ILDR2: variants seen among roughly 807,000 people sequenced by gnomAD.
ILDR2 encodes the protein immunoglobulin-like domain-containing receptor 2.
Under a neutral mutation model 66.8 loss-of-function variants are expected in ILDR2, and 25 were observed. The ratio of observed to expected loss-of-function variants is 0.37; its 90% CI spans 0.27 to 0.52. The LOEUF (loss-of-function observed/expected upper bound fraction) is 0.52. Among genes scored for constraint, ILDR2 ranks in the 20% least tolerant of loss-of-function variants. The pLI is 0.88. For synonymous variants in ILDR2, 367 were observed against 357.2 expected (o/e 1.03, Z -0.31); for missense variants, 827 against 876.8 (o/e 0.94, Z 0.72).
downstream of ILDR2, among the ~76,000 whole-genome samples, chr1:166,907,593 T>C (rs1040445464): frequency 1.3e-5 from 2 of 152,236 alleles, no homozygotes; most frequent in Non-Finnish European, 2.9e-5. Flanking sequence ...TTGTCTGAAT[T>C]CCTGTATCAA....
chr1:166,898,854 C>T (rs1017359849), intron 2 of ILDR2, among the ~76,000 whole-genome samples: 3 of 151,134 alleles, frequency 2.0e-5, no homozygotes, highest in Non-Finnish European at 4.4e-5. Flanking sequence ...AAGCCAGGAG[C>T]TCAAAGACCA....
At chr1:166,974,758 A>T (rs1483242238) in intron 1 of ILDR2, among the ~76,000 whole-genome samples, 7 of 152,218 alleles carry the variant, frequency 4.6e-5, no homozygotes, top group Non-Finnish European at 8.8e-5. Context: ...TTCTCTAGGG[A>T]AGAAATTAAG....
In ILDR2 at chr1:166,975,301, A is replaced by C. The variant is rs1192661429; in HGVS notation, c.-33T>G. 17 of 1,606,370 alleles carry C rather than the reference A, an allele frequency of 1.1e-5. No homozygotes were observed. Among genetic ancestry groups the C allele is most frequent in the Non-Finnish European group, 1.4e-5 (17 of 1,173,838 alleles). On this transcript the variant is annotated 5_prime_UTR_variant, in exon 1 of 10. Transcript: ENST00000271417. Reference sequence around the variant, plus strand: ...AACTTCCCAGCCGAATTACGGAGTGAGGAAAGTGGGAAATGGCTGGAACAG... The same window carrying C: ...AACTTCCCAGCCGAATTACGGAGTGCGGAAAGTGGGAAATGGCTGGAACAG...
intron 2 of ILDR2, among the ~76,000 whole-genome samples, chr1:166,957,307 T>C (rs1287478149): frequency 2.0e-5 from 3 of 152,220 alleles, no homozygotes; most frequent in African/African-American, 4.8e-5. Flanking sequence ...GTGGAATTGA[T>C]GCAAAGCCAC....
downstream of ILDR2, among the ~76,000 whole-genome samples, chr1:166,907,514 CT>C (rs1407188571): frequency 5.3e-5 from 8 of 152,130 alleles, no homozygotes; most frequent in Admixed American, 1.3e-4. Context: ...GAGGGAACAT[CT>C]CTTAATAAAT....
Position 166,959,008 on chromosome 1 carries a change from C to T in ILDR2, c.47-907G>A, listed in dbSNP as rs371186747. ...CAGCCTCACCTCTCACCTCTTGAAA[C>T]ACCTCTCTTTGAGCACCAAGCTCCA... On this transcript the variant is annotated intron_variant, in intron 1 of 9. Coordinates refer to ENST00000271417, the MANE Select transcript of ILDR2 (RefSeq NM_199351.3). 2.6e-5 allele frequency among the ~76,000 whole-genome samples: 4 copies of T among 152,320 alleles called. No homozygotes were observed. In the East Asian group the frequency reaches 5.8e-4, roughly 22 times the overall value.
intron 6 of ILDR2, among the ~76,000 whole-genome samples, chr1:166,934,016 C>G (rs1348331762): frequency 6.6e-6 from 1 of 152,136 alleles, no homozygotes; most frequent in Non-Finnish European, 1.5e-5. Flanking sequence ...CAAGATACCT[C>G]CAGGGAAGAA....
chr1:166,975,344 C>A lies in ILDR2; in HGVS notation c.-76G>T. On this transcript the variant is annotated 5_prime_UTR_variant, in exon 1 of 10. Transcript: ENST00000271417. ...TGGAACAGAAGGATCGCTGTCACCC[C>A]GCGGCAGCGGGCGGCGGCGGAGCGG... The A allele has an allele frequency of 1.5e-6, 2 of 1,358,332 alleles. No homozygotes were observed. Among genetic ancestry groups the A allele is most frequent in the Non-Finnish European group, 2.0e-6 (2 of 996,286 alleles). 84.1% of individuals were successfully genotyped at this position (1,358,332 alleles called of 1,614,324 possible). A position where few individuals can be genotyped will look rare whatever the true frequency, so the allele number is the denominator to read the frequency against.
rs1038135347 is a variant in ILDR2, at chr1:166,916,678, G to C, written c.*2677C>G. 3 of 152,186 alleles carry C rather than the reference G, an allele frequency of 2.0e-5. No homozygotes were observed. The highest frequency in any genetic ancestry group is 1.3e-4 in the Admixed American group (2 of 15,284). 9.4% of individuals were successfully genotyped at this position (152,186 alleles called of 1,614,324 possible). A position where few individuals can be genotyped will look rare whatever the true frequency, so the allele number is the denominator to read the frequency against. ...GAAACAACTGCTTTTTCTCTCTACTGAAAGCCTGGAAGTCTGAATGATTTA... is the reference window on the plus strand; with the variant it reads ...GAAACAACTGCTTTTTCTCTCTACTCAAAGCCTGGAAGTCTGAATGATTTA... On this transcript the variant is annotated 3_prime_UTR_variant, in exon 10 of 10. Coordinates refer to ENST00000271417, the MANE Select transcript of ILDR2 (RefSeq NM_199351.3).
intron 1 of ILDR2, among the ~76,000 whole-genome samples, chr1:166,973,577 G>A (rs575655477): frequency 6.9e-6 from 1 of 144,536 alleles, no homozygotes; most frequent in Non-Finnish European, 1.5e-5. Context: ...AGACCCCAGC[G>A]TGTCTGTAAA....
intron 6 of ILDR2, 149 bp downstream of exon 6, chr1:166,935,152 A>G (rs904436657): frequency 2.5e-6 from 2 of 789,144 alleles, no homozygotes; most frequent in African/African-American, 3.5e-5. Context: ...ACCCTAAAAG[A>G]TATCTGACAT....
chr1:166,925,339 TTATCTC>T (rs1258617884), intron 7 of ILDR2, among the ~76,000 whole-genome samples: 9 of 152,236 alleles, frequency 5.9e-5, no homozygotes, highest in Non-Finnish European at 1.0e-4. Context: ...TATTCCTACT[TTATCTC>T]TATGCAGTTG....
chr1:166,950,855 A>G (rs748666745), intron 3 of ILDR2, among the ~76,000 whole-genome samples: 11 of 152,128 alleles, frequency 7.2e-5, no homozygotes, highest in Non-Finnish European at 1.3e-4. Context: ...GCGTGACAGG[A>G]AAACAAAGGC....
intron 3 of ILDR2, 30 bp from the exon 4 acceptor site, chr1:166,939,600 A>G: frequency 1.2e-6 from 2 of 1,606,870 alleles, no homozygotes; most frequent in South Asian, 2.2e-5. Context: ...AAGAAGAAGG[A>G]AAGTGGTTAT....
In ILDR2 at chr1:166,950,522, T is replaced by A. The variant is rs1216198051; in HGVS notation, c.499+6211A>T. ...AACTGAGGCAGCAGTAACACAGGGG[T>A]AGGTGTGGGGGCATTTCTGCATAGC... is the stretch of plus-strand genomic sequence containing the variant. On this transcript the variant is annotated intron_variant, in intron 3 of 9. Coordinates refer to ENST00000271417, the MANE Select transcript of ILDR2 (RefSeq NM_199351.3). Among the ~76,000 whole-genome samples the A allele has an allele frequency of 8.6e-5, 13 of 151,906 alleles. No individual in the cohort carries two copies. The East Asian group carries it at 1.7e-3, about 20-fold the overall frequency.
At chr1:166,900,853 C>A (rs770456639) in intron 2 of ILDR2, among the ~76,000 whole-genome samples, 1 of 152,120 alleles carries the variant, frequency 6.6e-6, no homozygotes, top group African/African-American at 2.4e-5. Flanking sequence ...TCTAAGTTAC[C>A]GTTACTTTTA....
intron 1 of ILDR2, among the ~76,000 whole-genome samples, chr1:166,963,289 T>C (rs1460472258): frequency 6.6e-6 from 1 of 152,246 alleles, no homozygotes; most frequent in Admixed American, 6.5e-5. Context: ...GGGATTGTGC[T>C]AAGCACTTTT....
chr1:166,931,589 G>A (rs764621607), intron 6 of ILDR2, among the ~76,000 whole-genome samples: 2 of 152,236 alleles, frequency 1.3e-5, no homozygotes, highest in African/African-American at 4.8e-5. Context: ...GCAAAGCAGA[G>A]TAGATGTGGA....
At chr1:166,965,159 A>T (rs1020504273) in intron 1 of ILDR2, among the ~76,000 whole-genome samples, 11 of 152,158 alleles carry the variant, frequency 7.2e-5, no homozygotes, top group African/African-American at 2.7e-4. Context: ...TTCTTTCTTC[A>T]TTCAGTATAA....
Sources: allele counts gnomAD v4.1 joint callset (sites outside exome capture counted in the v4.1 genomes callset), GRCh38; gene constraint gnomAD v4.1.1; transcripts MANE v1.5; gene names NCBI Gene and HGNC (gene_info 2026-07-23, HGNC 2026-07-21).